Variants in STARD13 observed in about 807,000 individuals in gnomAD.
STARD13 encodes the protein StAR related lipid transfer domain containing 13.
In STARD13, 62 loss-of-function variants were observed where a neutral mutation model predicts 106.4. That is an observed-to-expected ratio of 0.58 (90% CI 0.48 to 0.72). STARD13 has a LOEUF of 0.72. Among genes scored for constraint, STARD13 ranks in the 30% least tolerant of loss-of-function variants. The pLI, the probability that STARD13 is intolerant of heterozygous loss-of-function variation, is 0.00. For missense variants in STARD13, 1,387 were observed against 1,424.0 expected, an observed-to-expected ratio of 0.97 and a Z score of 0.42; for synonymous variants, 565 against 553.0, an observed-to-expected ratio of 1.02 and a Z score of -0.31.
At chr13:33,229,095 G>T (rs905763310) in intron 1 of STARD13, among the ~76,000 whole-genome samples, 23 of 152,304 alleles carry the variant, frequency 1.5e-4, no homozygotes, top group African/African-American at 5.3e-4. Flanking sequence ...GAAGCAGCCT[G>T]AATAAAAATT....
intron 7 of STARD13, among the ~76,000 whole-genome samples, chr13:33,124,301 G>A (rs1377073126): frequency 2.0e-5 from 3 of 152,340 alleles, no homozygotes; most frequent in East Asian, 1.9e-4. Context: ...CCAGGACTGG[G>A]TGCATTATAA....
chr13:33,122,433 G>A (rs1715371930), intron 7 of STARD13, among the ~76,000 whole-genome samples: 1 of 152,180 alleles, frequency 6.6e-6, no homozygotes, highest in Non-Finnish European at 1.5e-5. Context: ...ATCACACAGG[G>A]TCTCACACAC....
chr13:33,440,710 C>A, the STARD13 span, among the ~76,000 whole-genome samples: 1 of 150,540 alleles, frequency 6.6e-6, no homozygotes, highest in South Asian at 2.1e-4. Flanking sequence ...ATTCTGATAA[C>A]CTTCAGGTTT....
chr13:33,273,276 C>G (rs1891250352), intron 1 of STARD13, among the ~76,000 whole-genome samples: 1 of 152,208 alleles, frequency 6.6e-6, no homozygotes, highest in Admixed American at 6.5e-5. Flanking sequence ...GTGTCATGCA[C>G]TACACTGGTG....
the STARD13 span, among the ~76,000 whole-genome samples, chr13:33,624,259 G>T: frequency 6.6e-6 from 1 of 152,196 alleles, no homozygotes; most frequent in African/African-American, 2.4e-5. Context: ...ACAAATTGTG[G>T]TATACTCATA....
At chr13:33,194,756 G>A (rs1234971713) in intron 1 of STARD13, among the ~76,000 whole-genome samples, 1 of 152,126 alleles carries the variant, frequency 6.6e-6, no homozygotes, top group African/African-American at 2.4e-5. Flanking sequence ...AAGTGAAAAT[G>A]GATTTTTAAA....
intron 1 of STARD13, among the ~76,000 whole-genome samples, chr13:33,172,232 TAA>T (rs760689193): frequency 1.3e-5 from 2 of 152,020 alleles, no homozygotes; most frequent in East Asian, 3.8e-4. Context: ...ATCTTATTTG[TAA>T]AAAAAATGGG....
At chr13:33,425,318 C>T in the STARD13 span, among the ~76,000 whole-genome samples, 7 of 152,146 alleles carry the variant, frequency 4.6e-5, no homozygotes, top group African/African-American at 1.4e-4. Context: ...CCTGGCATGC[C>T]GAGGTAGGCA....
chr13:33,132,380 A>T (rs895616596), intron 4 of STARD13, among the ~76,000 whole-genome samples: 1 of 152,136 alleles, frequency 6.6e-6, no homozygotes, highest in South Asian at 2.1e-4. Flanking sequence ...ATGAGAGCTG[A>T]TGGTTTTATA....
chr13:33,382,309 T>G, the STARD13 span, among the ~76,000 whole-genome samples: 1 of 152,216 alleles, frequency 6.6e-6, no homozygotes, highest in Non-Finnish European at 1.5e-5. Context: ...TTTGCGGTGC[T>G]GTGCCCTGTC....
the STARD13 span, among the ~76,000 whole-genome samples, chr13:33,383,035 G>A: frequency 1.3e-5 from 2 of 152,142 alleles, no homozygotes; most frequent in Non-Finnish European, 2.9e-5. Context: ...CTGGGATGGT[G>A]GGTAACATCT....
chr13:33,304,188 C>T (rs767155717), intron 1 of STARD13, among the ~76,000 whole-genome samples: 1 of 152,184 alleles, frequency 6.6e-6, no homozygotes, highest in African/African-American at 2.4e-5. Context: ...TGTTACTGAG[C>T]CATAGATGTC....
At chr13:33,470,945 A>T in the STARD13 span, among the ~76,000 whole-genome samples, 29 of 152,116 alleles carry the variant, frequency 1.9e-4, no homozygotes, top group African/African-American at 7.0e-4. Flanking sequence ...CCATTTGTGT[A>T]TTTTGGCTTT....
rs150163145 is a variant in STARD13 at position 33,129,913 on chromosome 13, C to T, written c.764G>A (p.Arg255Lys). Residue 255 changes from arginine (R) to lysine (K), a missense_variant, in exon 5 of 14, where the codon AGG becomes AAG. Arg to Lys is a conservative substitution (Grantham distance 26). Coordinates refer to ENST00000336934, the MANE Select transcript of STARD13 (RefSeq NM_178006.4). ...CATGCGTTTCAAAAATGATTTGGCC[C>T]TAGCCCTCGTGGGCTTCTCATTCTT... ...HPKNEKPTRA[R>K]AKSFLKRMET... is the part of the protein sequence containing the mutation. 6.3e-5 allele frequency: 102 copies of T among 1,613,288 alleles called. No individual in the cohort carries two copies. The highest frequency in any genetic ancestry group is 8.0e-5 in the Non-Finnish European group (94 of 1,180,006).
chr13:33,308,554 G>A (rs1403844002), intron 1 of STARD13, among the ~76,000 whole-genome samples: 12 of 44,236 alleles, frequency 2.7e-4, no homozygotes, highest in Admixed American at 1.5e-3. Context: ...TTTGAGTTTC[G>A]CTCTTATCGC....
the STARD13 span, among the ~76,000 whole-genome samples, chr13:33,437,603 TA>T: frequency 1.3e-3 from 193 of 152,372 alleles, no homozygotes; most frequent in Non-Finnish European, 2.4e-3. Context: ...ATCAAAAGTT[TA>T]AATTATTAAT....
At chr13:33,374,346 G>T in the STARD13 span, among the ~76,000 whole-genome samples, 2 of 152,128 alleles carry the variant, frequency 1.3e-5, no homozygotes, top group African/African-American at 4.8e-5. Context: ...AAGTTCTGGA[G>T]ATGGATAGTG....
At chr13:33,207,703 A>G (rs1173664381) in intron 1 of STARD13, among the ~76,000 whole-genome samples, 4 of 152,240 alleles carry the variant, frequency 2.6e-5, no homozygotes, top group South Asian at 4.1e-4. Context: ...GTCAAGAACC[A>G]GGATGTCTGT....
chr13:33,538,943 G>T, the STARD13 span, among the ~76,000 whole-genome samples: 1 of 151,950 alleles, frequency 6.6e-6, no homozygotes, highest in Non-Finnish European at 1.5e-5. Flanking sequence ...CTAATTTTTT[G>T]TATATTTAGT....
Sources: allele counts gnomAD v4.1 joint callset (sites outside exome capture counted in the v4.1 genomes callset), GRCh38; gene constraint gnomAD v4.1.1; transcripts MANE v1.5; gene names NCBI Gene and HGNC (gene_info 2026-07-23, HGNC 2026-07-21).